PCDHGB1: variants seen among roughly 807,000 people sequenced by gnomAD.
PCDHGB1 encodes protocadherin gamma-B1.
A neutral mutation model predicts 56.6 loss-of-function variants in PCDHGB1; 34 were observed. That is an observed-to-expected ratio of 0.60 (90% CI 0.46 to 0.80). The LOEUF (loss-of-function observed/expected upper bound fraction) is 0.80, where lower values mean the gene tolerates loss of function less well. PCDHGB1 is among the 30% of genes least tolerant of loss of function. PCDHGB1 has a pLI of 0.00. For missense variants in PCDHGB1, 1,278 were observed against 1,204.6 expected, an observed-to-expected ratio of 1.06 and a Z score of -0.90; for synonymous variants, 561 against 505.9, an observed-to-expected ratio of 1.11 and a Z score of -1.46.
chr5:141,426,491 G>A, intron 1 of PCDHGB1: 1 of 336,822 alleles, frequency 3.0e-6, no homozygotes, highest in South Asian at 2.4e-5. Flanking sequence ...CTTAGAGTTA[G>A]TGCAGAGAAA....
intron 1 of PCDHGB1, chr5:141,385,263 T>G: frequency 6.2e-7 from 1 of 1,613,672 alleles, no homozygotes; most frequent in Non-Finnish European, 8.5e-7. Context: ...GTGAGAAAAA[T>G]GATTCTTTGC....
chr5:141,431,624 G>C lies in PCDHGB1; in HGVS notation c.2410-63183G>C. The C allele has an allele frequency of 2.5e-6, 4 of 1,614,234 alleles. No individual in the cohort carries two copies. Among genetic ancestry groups the C allele is most frequent in the Non-Finnish European group, 3.4e-6 (4 of 1,180,038 alleles). On this transcript the variant is annotated intron_variant, in intron 1 of 3. Transcript: ENST00000523390. This position sits in a 1 kb window ranked among gnomAD's most constrained non-coding sequence, Gnocchi z 4.8. ...CTTCCGGTATGTGGACGACAAGGCG[G>C]CCCAAGTTTTCAAACTAGATTGTAA...
intron 1 of PCDHGB1, among the ~76,000 whole-genome samples, chr5:141,468,777 A>T (rs2099178581): frequency 6.7e-6 from 1 of 150,364 alleles, no homozygotes; most frequent in Non-Finnish European, 1.5e-5. Flanking sequence ...GAGGCAGGAG[A>T]ATGGCGTGAA....
At chr5:141,409,438 A>C (rs1459982502) in intron 1 of PCDHGB1, 1 of 1,613,866 alleles carries the variant, frequency 6.2e-7, no homozygotes, top group Non-Finnish European at 8.5e-7. Context: ...CCCTGGACCG[A>C]GAGCAGACAC....
chr5:141,510,944 C>T lies in PCDHGB1; in HGVS notation c.2558-3C>T, dbSNP rs772921698. 2 of 1,614,120 alleles carry T rather than the reference C, an allele frequency of 1.2e-6. No individual in the cohort carries two copies. Among genetic ancestry groups the T allele is most frequent in the South Asian group, 2.2e-5 (2 of 91,080 alleles). On this transcript the variant is annotated splice_region_variant and splice_polypyrimidine_tract_variant and intron_variant, in intron 3 of 3. Transcript: ENST00000523390. Reference sequence around the variant, plus strand: ...CCCACCTGATCTTCCTCTGTCTCTGCAGAAGCTGCTGATGGGAGCTCCACC... The same window carrying T: ...CCCACCTGATCTTCCTCTGTCTCTGTAGAAGCTGCTGATGGGAGCTCCACC...
chr5:141,427,260 AC>A (rs1388196814), intron 1 of PCDHGB1: 1 of 456,770 alleles, frequency 2.2e-6, no homozygotes, highest in Admixed American at 2.3e-5. Flanking sequence ...TGGAGGCATG[AC>A]CAGCGAATGT....
At chr5:141,375,396 T>C (rs962120197) in intron 1 of PCDHGB1, 56 of 1,613,744 alleles carry the variant, frequency 3.5e-5, no homozygotes, top group Non-Finnish European at 4.6e-5. Context: ...GAAACAATCA[T>C]CTCTCTAAAT....
Position 141,434,451 on chromosome 5 carries a change from A to T in PCDHGB1, c.2410-60356A>T, listed in dbSNP as rs145324240. 3.9e-3 allele frequency among the ~76,000 whole-genome samples: 589 copies of T among 152,326 alleles called. 6 individuals carry two copies. The highest frequency in any genetic ancestry group is 0.011 in the Admixed American group (170 of 15,298). ...GGCCGTAATGCCCATGCTGGAAGGTAGTGGGTTTACCGGAATGAGGGCAAG... is the reference window on the plus strand; with the variant it reads ...GGCCGTAATGCCCATGCTGGAAGGTTGTGGGTTTACCGGAATGAGGGCAAG... On this transcript the variant is annotated intron_variant, in intron 1 of 3. Transcript: ENST00000523390.
chr5:141,429,488 T>TA (rs748742046), intron 1 of PCDHGB1, among the ~76,000 whole-genome samples: 13 of 152,096 alleles, frequency 8.5e-5, no homozygotes, highest in Non-Finnish European at 1.6e-4. Flanking sequence ...TAGCTGAGAC[T>TA]ACAGTTGCCT....
chr5:141,419,505 G>A lies in PCDHGB1; in HGVS notation c.2409+66836G>A, dbSNP rs115850576. The A allele has an allele frequency of 8.4e-4, 1,351 of 1,612,324 alleles. 13 individuals are homozygous for A. In the African/African-American group the frequency reaches 0.015, roughly 18 times the overall value. The stretch of plus-strand genomic sequence containing the variant: ...GCGCTCAGCGCCAATGTGAGCCTGC[G>A]CGTGTTGGTGGGCGACCGTAACGAC... On this transcript the variant is annotated intron_variant, in intron 1 of 3. Transcript: ENST00000523390.
intron 1 of PCDHGB1, among the ~76,000 whole-genome samples, chr5:141,433,752 G>A (rs975941520): frequency 6.6e-6 from 1 of 151,206 alleles, no homozygotes; most frequent in Non-Finnish European, 1.5e-5. Context: ...CAGGAGAATT[G>A]CTTTAACCTG....
At position 141,476,356 on chromosome 5, in the gene PCDHGB1, C is replaced by T. The variant is rs757679991; in HGVS notation, c.2410-18451C>T. The stretch of plus-strand genomic sequence containing the variant: ...CTAGCCGAAGATTCTTTGAGGTGAA[C>T]CGGGAGACCGGAGAGATGTTTGTGA... On this transcript the variant is annotated intron_variant, in intron 1 of 3. Coordinates refer to ENST00000523390, the MANE Select transcript of PCDHGB1 (RefSeq NM_018922.3). This position sits in a 1 kb window ranked among gnomAD's most constrained non-coding sequence, Gnocchi z 7.6. 6 of 1,613,958 alleles carry T rather than the reference C, an allele frequency of 3.7e-6. No individual in the cohort carries two copies. The African/African-American group carries it at 4.0e-5, about 11-fold the overall frequency.
rs1467738404 is a variant in PCDHGB1 at position 141,430,698 on chromosome 5, G to A, written c.2410-64109G>A. On this transcript the variant is annotated intron_variant, in intron 1 of 3. Coordinates refer to ENST00000523390, the MANE Select transcript of PCDHGB1 (RefSeq NM_018922.3). The stretch of plus-strand genomic sequence containing the variant: ...CAACTGTCCCATTCTATGGGCGAAG[G>A]AACTGCTCCTGACTTCAGTGGTTAA... 4.1e-6 allele frequency: 6 copies of A among 1,451,686 alleles called. No homozygotes were observed. The South Asian group carries it at 7.8e-5, about 19-fold the overall frequency. The allele number at this position is 1,451,686 out of a possible 1,614,324, so 89.9% of individuals were successfully genotyped here.
chr5:141,357,501 C>G, intron 1 of PCDHGB1: 1 of 1,614,254 alleles, frequency 6.2e-7, no homozygotes, highest in South Asian at 1.1e-5. Context: ...GGAAGAGTCA[C>G]CTGATCTTCT....
intron 1 of PCDHGB1, chr5:141,402,829 T>C: frequency 7.5e-7 from 1 of 1,342,036 alleles, no homozygotes; most frequent in Non-Finnish European, 9.8e-7. Flanking sequence ...GCTCCCAGGC[T>C]GCAGCAAAAC....
chr5:141,457,877 C>A (rs1488774514), intron 1 of PCDHGB1, among the ~76,000 whole-genome samples: 1 of 152,196 alleles, frequency 6.6e-6, no homozygotes, highest in Admixed American at 6.6e-5. Context: ...AGGTTAGGAA[C>A]CCTGTGTGGG....
At chr5:141,427,422 G>C (rs922637577) in intron 1 of PCDHGB1, 1 of 468,292 alleles carries the variant, frequency 2.1e-6, no homozygotes, top group Non-Finnish European at 4.3e-6. Context: ...AAATGGGGAG[G>C]TTACATGCCT....
At chr5:141,383,476 G>T (rs983488072) in intron 1 of PCDHGB1, 1 of 1,613,748 alleles carries the variant, frequency 6.2e-7, no homozygotes, top group South Asian at 1.1e-5. Context: ...TAAGTACCCG[G>T]AACTGGTGCT....
intron 1 of PCDHGB1, chr5:141,404,308 C>G: frequency 1.2e-6 from 2 of 1,613,918 alleles, no homozygotes; most frequent in East Asian, 2.2e-5. Flanking sequence ...CACCTGCTTT[C>G]TCTCAAGCCT....
Sources: gnomAD v4.1 joint callset for allele counts (sites outside exome capture counted in the v4.1 genomes callset) on GRCh38, gnomAD v4.1.1 for gene constraint, Gnocchi (gnomAD v3.1) non-coding constraint, MANE v1.5 for transcripts, NCBI Gene and HGNC (gene_info 2026-07-23, HGNC 2026-07-21) for gene names.